The following DENND2A variants were observed in gnomAD, a reference collection of about 807,000 sequenced individuals.
DENND2A encodes DENN domain containing 2A.
DENND2A carries 53 observed loss-of-function variants against 105.3 expected under a neutral mutation model. The observed-to-expected ratio is 0.50, with a 90% CI of 0.40 to 0.63. The LOEUF is 0.63. Among genes scored for constraint, DENND2A ranks in the 30% least tolerant of loss-of-function variants. DENND2A has a pLI of 0.00. For missense variants in DENND2A, 1,138 were observed against 1,279.6 expected, an observed-to-expected ratio of 0.89 and a Z score of 1.69; for synonymous variants, 522 against 508.4, an observed-to-expected ratio of 1.03 and a Z score of -0.36.
At position 140,602,360 on chromosome 7, in the gene DENND2A, G is replaced by A. The variant is rs764545069; in HGVS notation, c.38C>T (p.Pro13Leu). Residue 13 changes from proline to leucine, a missense_variant, in exon 3 of 20, where the codon CCA (proline) becomes CTA (leucine). Physicochemically the swap from Pro to Leu is moderately conservative, Grantham distance 98. Transcript: ENST00000496613. Reference protein sequence around the residue: ...MFSLDMIISDPAAEASRAGKK... With the variant: ...MFSLDMIISDLAAEASRAGKK... Reference sequence around the variant, plus strand: ...CCCAGCCCTGCTGGCTTCTGCAGCTGGGTCACTGATGATCATATCCAAGCT... The same window carrying A: ...CCCAGCCCTGCTGGCTTCTGCAGCTAGGTCACTGATGATCATATCCAAGCT... 3 of 1,590,594 alleles carry A rather than the reference G, an allele frequency of 1.9e-6. No homozygotes were observed. The highest frequency in any genetic ancestry group is 1.1e-5 in the South Asian group (1 of 90,506).
At chr7:140,533,932 T>C (rs1006849412) in intron 14 of DENND2A, among the ~76,000 whole-genome samples, 4 of 152,054 alleles carry the variant, frequency 2.6e-5, no homozygotes, top group Non-Finnish European at 5.9e-5. Context: ...TTTCTTTTTT[T>C]AGATGGAGTC....
Position 140,614,979 on chromosome 7 carries a change from T to C in DENND2A, c.-247-9173A>G, listed in dbSNP as rs558021023. Among the ~76,000 whole-genome samples, 4 of 152,222 alleles carry C rather than the reference T, an allele frequency of 2.6e-5. No individual in the cohort carries two copies. In the East Asian group the frequency reaches 7.7e-4, roughly 29 times the overall value. ...GCTCAGGTGATCTTCCTACCTCAGC[T>C]CCCTACCGCCCCAGGTAGCTGGGAC... On this transcript the variant is annotated intron_variant, in intron 1 of 19. Coordinates refer to ENST00000496613, the MANE Select transcript of DENND2A (RefSeq NM_015689.5).
chr7:140,555,798 A>G, intron 11 of DENND2A, 85 bp from the exon 12 acceptor site: 1 of 1,100,742 alleles, frequency 9.1e-7, no homozygotes, highest in South Asian at 1.6e-5. Context: ...CGAGACTATC[A>G]TGTGCCAGAT....
At chr7:140,525,915 T>C (rs1796038709) in intron 15 of DENND2A, 123 bp from the exon 16 acceptor site, 7 of 729,316 alleles carry the variant, frequency 9.6e-6, no homozygotes, top group Non-Finnish European at 1.3e-5. Flanking sequence ...AGGTGAGCCA[T>C]TTGTGGTTTC....
intron 12 of DENND2A, among the ~76,000 whole-genome samples, chr7:140,552,459 A>C (rs1409917265): frequency 6.6e-6 from 1 of 151,390 alleles, no homozygotes; most frequent in Non-Finnish European, 1.5e-5. Context: ...ACTGGTGTGA[A>C]CATGACTCGC....
intron 1 of DENND2A, among the ~76,000 whole-genome samples, chr7:140,637,967 C>T (rs988518222): frequency 6.6e-6 from 1 of 152,168 alleles, no homozygotes; most frequent in Non-Finnish European, 1.5e-5. Context: ...AGATGACACC[C>T]AGTCCTCACA....
At chr7:140,578,840 C>T (rs1431405205) in intron 5 of DENND2A, among the ~76,000 whole-genome samples, 4 of 152,230 alleles carry the variant, frequency 2.6e-5, no homozygotes, top group African/African-American at 2.4e-5. Flanking sequence ...TGCCACTGCA[C>T]TCTAGCCTGG....
chr7:140,555,813 C>T (rs919500311), intron 11 of DENND2A, 100 bp from the exon 12 acceptor site: 1 of 921,682 alleles, frequency 1.1e-6, no homozygotes, highest in Non-Finnish European at 1.6e-6. Context: ...CCAGATGTTT[C>T]CACATATCAT....
At chr7:140,616,380 T>C (rs539476520) in intron 1 of DENND2A, among the ~76,000 whole-genome samples, 44 of 151,872 alleles carry the variant, frequency 2.9e-4, no homozygotes, top group Admixed American at 2.2e-3. Flanking sequence ...AAAAAAAGAA[T>C]AGGCCAATCC....
At chr7:140,538,513 A>T (rs1796528481) in intron 14 of DENND2A, among the ~76,000 whole-genome samples, 1 of 151,904 alleles carries the variant, frequency 6.6e-6, no homozygotes, top group Non-Finnish European at 1.5e-5. Context: ...TCTTTTTTTA[A>T]TTTTTTTAAT....
intron 1 of DENND2A, among the ~76,000 whole-genome samples, chr7:140,625,395 A>T (rs994222214): frequency 6.9e-6 from 1 of 144,836 alleles, no homozygotes; most frequent in African/African-American, 2.6e-5. Context: ...AAAAAAAAGA[A>T]CAGTCTGGGT....
At chr7:140,520,351 G>A (rs1795812181) in intron 18 of DENND2A, among the ~76,000 whole-genome samples, 1 of 151,984 alleles carries the variant, frequency 6.6e-6, no homozygotes, top group Non-Finnish European at 1.5e-5. Flanking sequence ...GGCTTGGGAG[G>A]GGTGTCTGTG....
intron 1 of DENND2A, among the ~76,000 whole-genome samples, chr7:140,630,643 G>A (rs963750247): frequency 1.3e-5 from 2 of 151,998 alleles, no homozygotes; most frequent in Non-Finnish European, 2.9e-5. Context: ...TCAGGAGTTC[G>A]AGACCAAACT....
At chr7:140,620,426 G>A (rs1467113243) in intron 1 of DENND2A, among the ~76,000 whole-genome samples, 1 of 151,846 alleles carries the variant, frequency 6.6e-6, no homozygotes, top group Non-Finnish European at 1.5e-5. Flanking sequence ...TTTAATGAGG[G>A]AGTAACAGTA....
intron 12 of DENND2A, among the ~76,000 whole-genome samples, chr7:140,547,618 C>T (rs1393188664): frequency 6.6e-6 from 1 of 152,156 alleles, no homozygotes; most frequent in Admixed American, 6.6e-5. Flanking sequence ...TGACCCAGCA[C>T]ATAGCACTCC....
At chr7:140,624,734 T>C (rs1171236116) in intron 1 of DENND2A, among the ~76,000 whole-genome samples, 1 of 152,114 alleles carries the variant, frequency 6.6e-6, no homozygotes, top group African/African-American at 2.4e-5. Flanking sequence ...AAGAGCCACT[T>C]CTTCAGAAAC....
At chr7:140,539,387 C>T (rs1037064460) in intron 14 of DENND2A, among the ~76,000 whole-genome samples, 2 of 152,156 alleles carry the variant, frequency 1.3e-5, no homozygotes, top group African/African-American at 2.4e-5. Flanking sequence ...GTAAGGGAGG[C>T]GGGGAGGGCC....
chr7:140,536,775 G>C (rs1164277284), intron 14 of DENND2A, among the ~76,000 whole-genome samples: 1 of 152,040 alleles, frequency 6.6e-6, no homozygotes, highest in East Asian at 1.9e-4. Context: ...TGATTCTCCT[G>C]CCTCAGCCTT....
rs1293884162 is a variant in DENND2A, at chr7:140,640,509, CGCGG to C, written c.-257_-254del. 2.6e-5 allele frequency: 4 copies of C among 151,300 alleles called. No individual in the cohort carries two copies. The highest frequency in any genetic ancestry group is 4.4e-5 in the Non-Finnish European group (3 of 67,726). 9.4% of individuals were successfully genotyped at this position (151,300 alleles called of 1,614,324 possible). Reference sequence around the variant, plus strand: ...CTGGCCCGGCCCGGCCCTACCTCCCCGCGGGCGGCGGCTCCGCGGGCTCTGGGGC... The same window carrying C: ...CTGGCCCGGCCCGGCCCTACCTCCCCGCGGCGGCTCCGCGGGCTCTGGGGC... On this transcript the variant is annotated 5_prime_UTR_variant, in exon 1 of 20. An upstream open reading frame in the 5' UTR gains an earlier in-frame stop. Coordinates refer to ENST00000496613, the MANE Select transcript of DENND2A (RefSeq NM_015689.5). The surrounding 1 kb of genome is among the most constrained non-coding windows in gnomAD (Gnocchi z 4.9).
Sources: gnomAD v4.1 joint callset for allele counts (sites outside exome capture counted in the v4.1 genomes callset) on GRCh38, gnomAD v4.1.1 for gene constraint, Gnocchi (gnomAD v3.1) non-coding constraint, MANE v1.5 for transcripts, NCBI Gene and HGNC (gene_info 2026-07-23, HGNC 2026-07-21) for gene names.